PCDHGA4: variants seen among roughly 807,000 people sequenced by gnomAD.
PCDHGA4 encodes the protein protocadherin gamma-A4.
PCDHGA4 carries 38 observed loss-of-function variants against 54.6 expected under a neutral mutation model. That is an observed-to-expected ratio of 0.70 (90% CI 0.54 to 0.91). PCDHGA4 has a LOEUF of 0.91. Among genes scored for constraint, PCDHGA4 ranks in the 40% least tolerant of loss-of-function variants. The pLI is 0.00. For missense variants in PCDHGA4, 1,298 were observed against 1,220.9 expected (o/e 1.06, Z -0.94); for synonymous variants, 511 against 512.9 (o/e 1.00, Z 0.05).
intron 1 of PCDHGA4, chr5:141,418,096 G>A (rs772001018): frequency 6.2e-7 from 1 of 1,614,078 alleles, no homozygotes; most frequent in East Asian, 2.2e-5. Context: ...GCGTAGACGC[G>A]CAGAGCGGGG....
chr5:141,455,377 CAGAA>C (rs2098820699), intron 1 of PCDHGA4, among the ~76,000 whole-genome samples: 1 of 151,970 alleles, frequency 6.6e-6, no homozygotes, highest in Admixed American at 6.6e-5. Flanking sequence ...AGGGAGAAGA[CAGAA>C]GGAAGGAGCT....
intron 2 of PCDHGA4, among the ~76,000 whole-genome samples, chr5:141,496,392 C>T (rs6879760): frequency 0.064 from 9,762 of 152,240 alleles, 510 homozygotes; most frequent in African/African-American, 0.15. Context: ...CCTTACCCTA[C>T]CTCCTCAATG....
intron 1 of PCDHGA4, chr5:141,411,661 C>T (rs2095505180): frequency 6.6e-6 from 1 of 150,762 alleles, no homozygotes; most frequent in African/African-American, 2.4e-5. Context: ...GGTGGAGAAT[C>T]TCTTGAGCGC....
intron 1 of PCDHGA4, chr5:141,423,684 T>G (rs201506477): frequency 6.6e-7 from 1 of 1,524,756 alleles, no homozygotes; most frequent in Non-Finnish European, 8.8e-7. Context: ...CTCTGCCTCC[T>G]AATTGTTGGT....
intron 1 of PCDHGA4, chr5:141,426,876 C>G (rs796453479): frequency 2.2e-6 from 1 of 456,726 alleles, no homozygotes; most frequent in Admixed American, 2.3e-5. Flanking sequence ...GGAGAAGCCC[C>G]TGGGCCAGGA....
At chr5:141,422,849 C>G in intron 1 of PCDHGA4, 1 of 1,614,238 alleles carries the variant, frequency 6.2e-7, no homozygotes, top group East Asian at 2.2e-5. Flanking sequence ...AGCGGGGACC[C>G]GCCCCTCAGC....
chr5:141,370,277 C>T, intron 1 of PCDHGA4: 1 of 847,602 alleles, frequency 1.2e-6, no homozygotes, highest in East Asian at 2.6e-5. Flanking sequence ...CGGAGACACC[C>T]ATTAGAGAAC....
At chr5:141,366,316 TGCCGTG>T in intron 1 of PCDHGA4, 1 of 1,613,764 alleles carries the variant, frequency 6.2e-7, no homozygotes, top group African/African-American at 1.3e-5. Context: ...CGGTCACCGT[TGCCGTG>T]GCCGACAGGA....
Position 141,432,562 on chromosome 5 carries a change from C to G in PCDHGA4, c.2515-62245C>G. On this transcript the variant is annotated intron_variant, in intron 1 of 3. Coordinates refer to ENST00000571252, the MANE Select transcript of PCDHGA4 (RefSeq NM_018917.4). The surrounding 1 kb of genome is among the most constrained non-coding windows in gnomAD (Gnocchi z 6.0). ...CGGTGGACAGAGACTCCGGCCAGAA[C>G]GCCTGGCTGTCCTACCGTCTGCTCA... 1 of 1,613,964 alleles carries G rather than the reference C, an allele frequency of 6.2e-7. No homozygotes were observed. Among genetic ancestry groups the G allele is most frequent in the Non-Finnish European group, 8.5e-7 (1 of 1,180,004 alleles).
rs983317324 is a variant in PCDHGA4, at chr5:141,431,891, G to A, written c.2515-62916G>A. The stretch of plus-strand genomic sequence containing the variant: ...AAATGTAAATGACCAAGATTCTGAG[G>A]AAAACGGACAGGTGATCTGTTTCAT... On this transcript the variant is annotated intron_variant, in intron 1 of 3. Transcript: ENST00000571252. The surrounding 1 kb of genome is among the most constrained non-coding windows in gnomAD (Gnocchi z 4.8). 16 of 1,614,072 alleles carry A rather than the reference G, an allele frequency of 9.9e-6. No homozygotes were observed. The highest frequency in any genetic ancestry group is 2.7e-5 in the African/African-American group (2 of 74,934).
chr5:141,403,754 G>A (rs2094451238), intron 1 of PCDHGA4: 1 of 1,613,768 alleles, frequency 6.2e-7, no homozygotes, highest in African/African-American at 1.3e-5. Flanking sequence ...AACAGCCAGC[G>A]ACCTGGATGA....
At chr5:141,418,802 T>G (rs775155011) in intron 1 of PCDHGA4, 1 of 1,613,862 alleles carries the variant, frequency 6.2e-7, no homozygotes, top group Non-Finnish European at 8.5e-7. Flanking sequence ...AGTAGAAAGA[T>G]ATACGATAAA....
intron 1 of PCDHGA4, chr5:141,410,037 G>A: frequency 1.2e-6 from 2 of 1,613,250 alleles, no homozygotes; most frequent in Non-Finnish European, 1.7e-6. Flanking sequence ...CTGCAGGCCA[G>A]TGAGCCCGGA....
At chr5:141,494,156 C>T (rs566096073) in intron 1 of PCDHGA4, among the ~76,000 whole-genome samples, 22 of 152,316 alleles carry the variant, frequency 1.4e-4, no homozygotes, top group African/African-American at 4.3e-4. Context: ...TTGTCTGGCA[C>T]GGAGTTCTAG....
chr5:141,366,199 G>A, intron 1 of PCDHGA4: 3 of 1,613,876 alleles, frequency 1.9e-6, no homozygotes, highest in Non-Finnish European at 2.5e-6. Flanking sequence ...GGCTGCACAC[G>A]GGCGAGGTGC....
chr5:141,427,912 A>T (rs1268491054), intron 1 of PCDHGA4: 2 of 1,577,806 alleles, frequency 1.3e-6, no homozygotes, highest in Admixed American at 3.3e-5. Flanking sequence ...CTCAGCGCCA[A>T]CATGAGCCGG....
chr5:141,495,384 C>A (rs2099760896), intron 2 of PCDHGA4, among the ~76,000 whole-genome samples: 1 of 152,190 alleles, frequency 6.6e-6, no homozygotes, highest in African/African-American at 2.4e-5. Flanking sequence ...AAGGACTGGG[C>A]GGGGCATGGA....
chr5:141,388,060 A>G lies in PCDHGA4; in HGVS notation c.2514+30439A>G, dbSNP rs1429863107. 16 of 1,381,916 alleles carry G rather than the reference A, an allele frequency of 1.2e-5. No individual in the cohort carries two copies. The highest frequency in any genetic ancestry group is 2.5e-5 in the East Asian group (1 of 40,268). The allele number at this position is 1,381,916 out of a possible 1,614,324, so 85.6% of individuals were successfully genotyped here. Reference sequence around the variant, plus strand: ...GCCACGGACCTGGGGTTCAGCGTCCAGGAGTTACCGACTCGAAAACTGCGC... The same window carrying G: ...GCCACGGACCTGGGGTTCAGCGTCCGGGAGTTACCGACTCGAAAACTGCGC... On this transcript the variant is annotated intron_variant, in intron 1 of 3. Transcript: ENST00000571252.
chr5:141,486,456 C>G lies in PCDHGA4; in HGVS notation c.2515-8351C>G. ...AGCTATGACATCATGGTCACTGCTT[C>G]TGATGCTGGGAACCCTCCTCTCAGT... is the stretch of plus-strand genomic sequence containing the variant. On this transcript the variant is annotated intron_variant, in intron 1 of 3. Transcript: ENST00000571252. The surrounding 1 kb of genome is among the most constrained non-coding windows in gnomAD (Gnocchi z 5.0). The G allele has an allele frequency of 1.9e-6, 3 of 1,614,052 alleles. No homozygotes were observed. In the South Asian group the frequency reaches 3.3e-5, roughly 18 times the overall value.
Sources: gnomAD v4.1 joint callset for allele counts (sites outside exome capture counted in the v4.1 genomes callset) on GRCh38, gnomAD v4.1.1 for gene constraint, Gnocchi (gnomAD v3.1) non-coding constraint, MANE v1.5 for transcripts, NCBI Gene and HGNC (gene_info 2026-07-23, HGNC 2026-07-21) for gene names.